Variants in TTLL1 observed in about 807,000 individuals in gnomAD.
The protein encoded by TTLL1 is TTL family tubulin polyglutamylase complex subunit L1, also known as polyglutamylase complex subunit TTLL1.
A neutral mutation model predicts 47.8 loss-of-function variants in TTLL1; 33 were observed. That is an observed-to-expected ratio of 0.69 (90% CI 0.52 to 0.92). TTLL1 has a LOEUF of 0.92. Ranked by LOEUF, TTLL1 falls within the 40% of genes least tolerant of loss-of-function variation. The pLI, the probability that TTLL1 is intolerant of heterozygous loss-of-function variation, is 0.00. For synonymous variants in TTLL1, 225 were observed against 214.1 expected, an observed-to-expected ratio of 1.05 and a Z score of -0.45; for missense variants, 488 against 547.5, an observed-to-expected ratio of 0.89 and a Z score of 1.08.
intron 3 of TTLL1, among the ~76,000 whole-genome samples, chr22:43,072,079 C>G (rs188146790): frequency 6.6e-6 from 1 of 152,098 alleles, no homozygotes; most frequent in East Asian, 1.9e-4. Flanking sequence ...GAGTCTTTCA[C>G]GAGGAAAGGA....
At chr22:43,055,645 T>TA (rs1437839318) in intron 8 of TTLL1, among the ~76,000 whole-genome samples, 1 of 151,908 alleles carries the variant, frequency 6.6e-6, no homozygotes, top group Non-Finnish European at 1.5e-5. Context: ...AAAAATAATT[T>TA]TTTTTTTTTG....
At chr22:43,082,706 AC>A (rs1928978080) in intron 1 of TTLL1, among the ~76,000 whole-genome samples, 3 of 148,958 alleles carry the variant, frequency 2.0e-5, no homozygotes, top group Non-Finnish European at 4.4e-5. Context: ...ACAGGATGAG[AC>A]TCTGTATCAA....
chr22:43,044,903 C>T (rs1159201152), intron 10 of TTLL1, among the ~76,000 whole-genome samples: 1 of 151,704 alleles, frequency 6.6e-6, no homozygotes, highest in Non-Finnish European at 1.5e-5. Context: ...CACTCTGTCG[C>T]CCAGGCTGGA....
chr22:43,051,089 T>A (rs1926584276), intron 9 of TTLL1, among the ~76,000 whole-genome samples: 2 of 152,140 alleles, frequency 1.3e-5, no homozygotes, highest in Non-Finnish European at 2.9e-5. Context: ...CACTGGCAAA[T>A]GAACTTGGTT....
rs376985654 is a variant in TTLL1 at position 43,049,726 on chromosome 22, A to T, written c.978+2075T>A. Among the ~76,000 whole-genome samples, 8 of 150,808 alleles carry T rather than the reference A, an allele frequency of 5.3e-5. No homozygotes were observed. The East Asian group carries it at 1.2e-3, about 22-fold the overall frequency. ...GTAGGCTGCAGCGAGCTATGATTACACCACTGCCTCCAGCCTAGGCCACAG... is the reference window on the plus strand; with the variant it reads ...GTAGGCTGCAGCGAGCTATGATTACTCCACTGCCTCCAGCCTAGGCCACAG... On this transcript the variant is annotated intron_variant, in intron 9 of 10. Coordinates refer to ENST00000266254, the MANE Select transcript of TTLL1 (RefSeq NM_012263.5).
At chr22:43,088,249 G>C (rs529082510) in intron 1 of TTLL1, among the ~76,000 whole-genome samples, 1 of 150,000 alleles carries the variant, frequency 6.7e-6, no homozygotes, top group African/African-American at 2.4e-5. Context: ...CTCCACGCCC[G>C]CACTGGGTGA....
intron 7 of TTLL1, among the ~76,000 whole-genome samples, chr22:43,061,780 C>T (rs1927401152): frequency 6.6e-6 from 1 of 152,176 alleles, no homozygotes. Flanking sequence ...AATGCTCCCT[C>T]TGGCAACAGG....
chr22:43,077,036 G>A (rs1034834384), intron 2 of TTLL1, among the ~76,000 whole-genome samples: 3 of 152,060 alleles, frequency 2.0e-5, no homozygotes, highest in Non-Finnish European at 2.9e-5. Context: ...GGGAGGCGGA[G>A]ATTGCAGTGA....
At chr22:43,066,329 G>A (rs918005659) in intron 5 of TTLL1, among the ~76,000 whole-genome samples, 2 of 151,986 alleles carry the variant, frequency 1.3e-5, no homozygotes, top group African/African-American at 4.8e-5. Context: ...CACACCCCCT[G>A]CCCCAGGGGA....
At chr22:43,085,721 TC>T (rs1183711469) in intron 1 of TTLL1, among the ~76,000 whole-genome samples, 42 of 152,318 alleles carry the variant, frequency 2.8e-4, no homozygotes, top group African/African-American at 1.0e-3. Context: ...GCAGGAATTC[TC>T]CGCATTTTAC....
At chr22:43,043,494 G>A (rs939300224) in intron 10 of TTLL1, among the ~76,000 whole-genome samples, 2 of 151,840 alleles carry the variant, frequency 1.3e-5, no homozygotes, top group African/African-American at 2.4e-5. Flanking sequence ...CCCGAAGGCC[G>A]CCATCGCAGT....
chr22:43,056,314 G>A (rs1254083064), intron 8 of TTLL1, among the ~76,000 whole-genome samples: 2 of 146,048 alleles, frequency 1.4e-5, no homozygotes, highest in African/African-American at 2.5e-5. Flanking sequence ...AGCCGAGATC[G>A]CATCACTGCA....
chr22:43,073,321 C>T (rs1393140096), intron 3 of TTLL1, among the ~76,000 whole-genome samples: 6 of 136,776 alleles, frequency 4.4e-5, no homozygotes, highest in South Asian at 2.4e-4. Flanking sequence ...CCACTGCGCC[C>T]GGTCTATTTA....
intron 3 of TTLL1, among the ~76,000 whole-genome samples, chr22:43,071,892 T>G (rs889343362): frequency 1.3e-5 from 2 of 152,182 alleles, no homozygotes; most frequent in East Asian, 3.8e-4. Flanking sequence ...GGCTGGAAGG[T>G]GGGCACAGCT....
intron 10 of TTLL1, among the ~76,000 whole-genome samples, chr22:43,043,996 G>A (rs147651028): frequency 3.3e-5 from 5 of 151,900 alleles, no homozygotes; most frequent in South Asian, 2.1e-4. Flanking sequence ...CCCAAGCCTC[G>A]TCACCCCTTG....
At chr22:43,070,352 T>C in intron 3 of TTLL1, 1 of 501,272 alleles carries the variant, frequency 2.0e-6, no homozygotes, top group South Asian at 1.7e-5. Context: ...GAAAGAGAAA[T>C]AGATTCCTTC....
At chr22:43,046,339 T>C in intron 10 of TTLL1, 71 bp downstream of exon 10, 1 of 1,562,804 alleles carries the variant, frequency 6.4e-7, no homozygotes, top group Non-Finnish European at 8.7e-7. Flanking sequence ...TGCCCAGAAA[T>C]CCAAGCTGGG....
chr22:43,072,619 G>A (rs915106628), intron 3 of TTLL1, among the ~76,000 whole-genome samples: 1 of 151,848 alleles, frequency 6.6e-6, no homozygotes, highest in African/African-American at 2.4e-5. Context: ...CTACAGGCAC[G>A]AACCACTATG....
intron 10 of TTLL1, among the ~76,000 whole-genome samples, chr22:43,040,885 G>A (rs1925621001): frequency 6.6e-6 from 1 of 152,240 alleles, no homozygotes; most frequent in Admixed American, 6.5e-5. Context: ...CCCCAGACGG[G>A]GTGGTCACAG....
Sources: allele counts gnomAD v4.1 joint callset (sites outside exome capture counted in the v4.1 genomes callset), GRCh38; gene constraint gnomAD v4.1.1; transcripts MANE v1.5; gene names NCBI Gene and HGNC (gene_info 2026-07-23, HGNC 2026-07-21).